The following AR variants were observed in gnomAD, a reference collection of about 807,000 sequenced individuals.
The protein encoded by AR is dihydrotestosterone receptor.
A neutral mutation model predicts 53.9 loss-of-function variants in AR; 8 were observed. The observed-to-expected ratio is 0.15, with a 90% confidence interval of 0.09 to 0.27. AR has a LOEUF of 0.27. Ranked by LOEUF, AR falls within the 10% of genes least tolerant of loss-of-function variation. The pLI is 1.00. For synonymous variants in AR, 359 were observed against 316.4 expected (o/e 1.13, Z -1.43); for missense variants, 639 against 742.5 (o/e 0.86, Z 1.62).
At position 67,725,788 on chromosome X, in the gene AR, G is replaced by T. The variant is rs186466622; in HGVS notation, c.*1947G>T. On this transcript the variant is annotated 3_prime_UTR_variant, in exon 8 of 8. Coordinates refer to ENST00000374690, the MANE Select transcript of AR (RefSeq NM_000044.6). Reference sequence around the variant, plus strand: ...CAGAACCATGGCTTCTTTCGGAAAGGTCTGGTTGGTGTGGCTCCAATACTT... The same window carrying T: ...CAGAACCATGGCTTCTTTCGGAAAGTTCTGGTTGGTGTGGCTCCAATACTT... The T allele has an allele frequency of 6.6e-4, 114 of 174,036 alleles. 1 individual carries two copies. In the East Asian group the frequency reaches 7.9e-3, roughly 12 times the overall value. 14.3% of individuals were successfully genotyped at this position (174,036 alleles called of 1,213,427 possible).
chrX:67,665,278 G>A (rs1023977920), intron 2 of AR, among the ~76,000 whole-genome samples: 7 of 112,440 alleles, frequency 6.2e-5, no homozygotes, highest in African/African-American at 1.9e-4. Flanking sequence ...TTGGTTTCTA[G>A]TGTTACCACC....
chrX:67,647,604 G>C (rs1053020100), intron 2 of AR, among the ~76,000 whole-genome samples: 1 of 112,188 alleles, frequency 8.9e-6, no homozygotes, highest in Admixed American at 9.5e-5. Context: ...CTTTGGCCAA[G>C]GAGTTGACTG....
chrX:67,618,733 G>A (rs973142826), intron 1 of AR, among the ~76,000 whole-genome samples: 6 of 111,202 alleles, frequency 5.4e-5, no homozygotes, highest in African/African-American at 9.8e-5. Context: ...AGCCTCTTGG[G>A]CTGAGACCTG....
intron 1 of AR, among the ~76,000 whole-genome samples, chrX:67,551,541 A>G (rs1929998663): frequency 9.0e-6 from 1 of 111,679 alleles, no homozygotes; most frequent in Admixed American, 9.5e-5. Context: ...ATGAAATCTC[A>G]TATTTACATA....
chrX:67,655,732 G>A (rs1441518913), intron 2 of AR, among the ~76,000 whole-genome samples: 8 of 111,138 alleles, frequency 7.2e-5, no homozygotes, highest in Non-Finnish European at 1.5e-4. Flanking sequence ...GCATACAGAT[G>A]ACCACCCCCA....
rs766737425 is a variant in AR, at chrX:67,686,070, A to G, written c.1829A>G (p.Lys610Arg). Residue 610 changes from lysine to arginine, a missense_variant, in exon 3 of 8, where the codon AAA becomes AGA. Transcript: ENST00000374690. ...TGCACTATTGATAAATTCCGAAGGAAAAATTGTCCATCTTGTCGTCTTCGG... is the reference window on the plus strand; with the variant it reads ...TGCACTATTGATAAATTCCGAAGGAGAAATTGTCCATCTTGTCGTCTTCGG... ...NDCTIDKFRR[K>R]NCPSCRLRKC... 5 of 1,209,812 alleles carry G rather than the reference A, an allele frequency of 4.1e-6. No individual in the cohort carries two copies. In the South Asian group the frequency reaches 8.8e-5, roughly 21 times the overall value.
intron 3 of AR, chrX:67,695,935 A>AT: frequency 1.3e-6 from 1 of 753,729 alleles, no homozygotes; most frequent in African/African-American, 2.3e-5. Flanking sequence ...TCAGGGCAGA[A>AT]TTTTAATCTC....
chrX:67,695,517 C>T, intron 3 of AR: 6 of 753,855 alleles, frequency 8.0e-6, no homozygotes, highest in Non-Finnish European at 9.4e-6. Flanking sequence ...TCTCATTCTT[C>T]TCCCAAGCCA....
At chrX:67,625,928 A>G (rs1319911320) in intron 1 of AR, among the ~76,000 whole-genome samples, 1 of 111,125 alleles carries the variant, frequency 9.0e-6, no homozygotes, top group Non-Finnish European at 1.9e-5. Flanking sequence ...TGATTATTTT[A>G]TTAAAATTTT....
At chrX:67,637,532 A>G (rs1925503221) in intron 1 of AR, among the ~76,000 whole-genome samples, 1 of 108,660 alleles carries the variant, frequency 9.2e-6, no homozygotes, top group Admixed American at 9.9e-5. Flanking sequence ...GCTGCATAGT[A>G]TTCCACGGTG....
At chrX:67,655,745 G>A (rs1374273684) in intron 2 of AR, among the ~76,000 whole-genome samples, 1 of 111,218 alleles carries the variant, frequency 9.0e-6, no homozygotes, top group Non-Finnish European at 1.9e-5. Context: ...CACCCCCAGA[G>A]GATTCATAAG....
chrX:67,616,842 A>G (rs1287208652), intron 1 of AR, among the ~76,000 whole-genome samples: 1 of 111,122 alleles, frequency 9.0e-6, no homozygotes, highest in Non-Finnish European at 1.9e-5. Flanking sequence ...CTGATAGACA[A>G]ATGGACCAGC....
At chrX:67,620,446 G>C (rs958326658) in intron 1 of AR, among the ~76,000 whole-genome samples, 2 of 109,517 alleles carry the variant, frequency 1.8e-5, no homozygotes, top group Admixed American at 9.9e-5. Context: ...GGAGTGAGAT[G>C]GGGTAAATGG....
At chrX:67,575,583 G>A (rs1922010691) in intron 1 of AR, among the ~76,000 whole-genome samples, 1 of 111,901 alleles carries the variant, frequency 8.9e-6, no homozygotes, top group African/African-American at 3.2e-5. Context: ...CTTAAAGGAA[G>A]GCAGTGCAGA....
At chrX:67,604,499 T>C (rs191636483) in intron 1 of AR, among the ~76,000 whole-genome samples, 1 of 111,167 alleles carries the variant, frequency 9.0e-6, no homozygotes, top group African/African-American at 3.3e-5. Flanking sequence ...TGTCTGTTTG[T>C]CACTTTCTCT....
chrX:67,650,330 C>T (rs1402141269), intron 2 of AR, among the ~76,000 whole-genome samples: 1 of 111,900 alleles, frequency 8.9e-6, no homozygotes, highest in African/African-American at 3.2e-5. Flanking sequence ...TACAGTAACC[C>T]TTATCAATTT....
intron 1 of AR, among the ~76,000 whole-genome samples, chrX:67,582,494 G>T (rs1179331025): frequency 9.0e-6 from 1 of 111,712 alleles, no homozygotes; most frequent in Non-Finnish European, 1.9e-5. Context: ...GAAGCTTGTG[G>T]AGTCAACTGT....
chrX:67,556,387 T>G (rs1921053741), intron 1 of AR, among the ~76,000 whole-genome samples: 1 of 111,620 alleles, frequency 9.0e-6, no homozygotes, highest in South Asian at 3.8e-4. Flanking sequence ...TACTAGAAAT[T>G]TATGAATTTC....
At chrX:67,624,377 T>G (rs1924520040) in intron 1 of AR, among the ~76,000 whole-genome samples, 1 of 111,692 alleles carries the variant, frequency 9.0e-6, no homozygotes, top group South Asian at 3.7e-4. Flanking sequence ...CAAAACTGGA[T>G]TAGTAATTAA....
Sources: allele counts gnomAD v4.1 joint callset (sites outside exome capture counted in the v4.1 genomes callset), GRCh38; gene constraint gnomAD v4.1.1; transcripts MANE v1.5; gene names NCBI Gene and HGNC (gene_info 2026-07-23, HGNC 2026-07-21).